SLC17A6: variants seen among roughly 807,000 people sequenced by gnomAD.
SLC17A6 encodes solute carrier family 17 member 6.
Under a neutral mutation model 67.1 loss-of-function variants are expected in SLC17A6, and 35 were observed. The observed-to-expected ratio is 0.52, with a 90% confidence interval of 0.40 to 0.69. SLC17A6 has a LOEUF of 0.69. SLC17A6 is among the 30% of genes least tolerant of loss of function. The pLI, the probability that SLC17A6 is intolerant of heterozygous loss-of-function variation, is 0.00. For synonymous variants in SLC17A6, 285 were observed against 252.3 expected, an observed-to-expected ratio of 1.13 and a Z score of -1.23; for missense variants, 588 against 723.9, an observed-to-expected ratio of 0.81 and a Z score of 2.15.
At chr11:22,375,141 G>C (rs958516473) in intron 9 of SLC17A6, among the ~76,000 whole-genome samples, 2 of 152,046 alleles carry the variant, frequency 1.3e-5, no homozygotes, top group African/African-American at 4.8e-5. Context: ...GGGAGGCCAA[G>C]GTGGGTGGAT....
chr11:22,344,066 G>T (rs768584584), intron 3 of SLC17A6, among the ~76,000 whole-genome samples: 1 of 152,148 alleles, frequency 6.6e-6, no homozygotes, highest in Non-Finnish European at 1.5e-5. Flanking sequence ...ATGGGGTGGA[G>T]GTGTCGAGGG....
intron 6 of SLC17A6, among the ~76,000 whole-genome samples, chr11:22,365,161 C>T (rs972961731): frequency 1.7e-4 from 26 of 152,108 alleles, no homozygotes; most frequent in African/African-American, 5.8e-4. Context: ...AAAGAATTTG[C>T]CCCCAGAATA....
In SLC17A6 at chr11:22,353,921, T is replaced by G. The variant is rs150663330; in HGVS notation, c.459-5492T>G. On this transcript the variant is annotated intron_variant, in intron 3 of 11. Transcript: ENST00000263160. ...ATTCCCAAAGCAGAACAAGAAATAC[T>G]AGAATAACCTGGGAACTGGTTAGAA... 5.6e-3 allele frequency among the ~76,000 whole-genome samples: 858 copies of G among 152,264 alleles called. 13 individuals carry two copies. The highest frequency in any genetic ancestry group is 0.02 in the African/African-American group (823 of 41,558).
intron 3 of SLC17A6, among the ~76,000 whole-genome samples, chr11:22,346,322 T>C (rs1855875239): frequency 6.6e-6 from 1 of 152,144 alleles, no homozygotes; most frequent in South Asian, 2.1e-4. Flanking sequence ...TTTGGCTTCT[T>C]CAGTTTATTG....
At position 22,378,535 on chromosome 11, in the gene SLC17A6, T is replaced by G. The variant is rs1856258155; in HGVS notation, c.*795T>G. 6.6e-6 allele frequency: 1 copy of G among 151,694 alleles called. No individual in the cohort carries two copies. Among genetic ancestry groups the G allele is most frequent in the Admixed American group, 6.6e-5 (1 of 15,138 alleles). 9.4% of individuals were successfully genotyped at this position (151,694 alleles called of 1,614,324 possible). On this transcript the variant is annotated 3_prime_UTR_variant, in exon 12 of 12. Transcript: ENST00000263160. The stretch of plus-strand genomic sequence containing the variant: ...CTTCAATGTATTTTTTATTACAACT[T>G]TGTACTGGTTGTAACTTGCATTAGA...
intron 8 of SLC17A6, 124 bp downstream of exon 8, chr11:22,370,312 T>A (rs1856161331): frequency 2.6e-6 from 2 of 766,178 alleles, no homozygotes; most frequent in Non-Finnish European, 4.1e-6. Context: ...ATTAAACAAA[T>A]AACTGCTAGG....
At chr11:22,353,430 A>G (rs1590383555) in intron 3 of SLC17A6, among the ~76,000 whole-genome samples, 1 of 152,252 alleles carries the variant, frequency 6.6e-6, no homozygotes, top group Non-Finnish European at 1.5e-5. Context: ...TACAAGGAAC[A>G]GACTGAGAAA....
At chr11:22,340,474 T>A (rs879802884) in intron 1 of SLC17A6, among the ~76,000 whole-genome samples, 1 of 152,152 alleles carries the variant, frequency 6.6e-6, no homozygotes, top group Non-Finnish European at 1.5e-5. Context: ...AAGCCAAAAA[T>A]GAATTGATGG....
At chr11:22,375,246 C>T (rs1856220077) in intron 9 of SLC17A6, among the ~76,000 whole-genome samples, 2 of 151,588 alleles carry the variant, frequency 1.3e-5, no homozygotes, top group African/African-American at 4.8e-5. Flanking sequence ...GTGGTGAGTG[C>T]CTGTAAGTCC....
chr11:22,377,571 A>G lies in SLC17A6; in HGVS notation c.1580A>G (p.Glu527Gly). Reference sequence around the variant, plus strand: ...ATTCATGAAGATGAACTCGATGAAGAAACAGGGGACATTACTCAAAATTAT... The same window carrying G: ...ATTCATGAAGATGAACTCGATGAAGGAACAGGGGACATTACTCAAAATTAT... ...GFIHEDELDE[E>G]TGDITQNYIN... is the part of the protein sequence containing the mutation. Residue 527 changes from glutamate to glycine, a missense_variant, in exon 12 of 12, where the codon GAA (glutamate) becomes GGA (glycine). Transcript: ENST00000263160. The G allele has an allele frequency of 1.2e-6, 2 of 1,614,180 alleles. No individual in the cohort carries two copies. Among genetic ancestry groups the G allele is most frequent in the Non-Finnish European group, 1.7e-6 (2 of 1,180,016 alleles).
chr11:22,362,871 G>C (rs1323482285), intron 6 of SLC17A6, 46 bp downstream of exon 6: 1 of 1,451,048 alleles, frequency 6.9e-7, no homozygotes, highest in Non-Finnish European at 9.7e-7. Flanking sequence ...ATGTGCATAG[G>C]CTAAAAGAAA....
In SLC17A6 at chr11:22,377,770, G is replaced by C. The variant is rs779751484; in HGVS notation, c.*30G>C. On this transcript the variant is annotated 3_prime_UTR_variant, in exon 12 of 12. Coordinates refer to ENST00000263160, the MANE Select transcript of SLC17A6 (RefSeq NM_020346.3). The stretch of plus-strand genomic sequence containing the variant: ...ACTAATTACTGGATTTATTTTTAGT[G>C]TTTGTGATTAAATTCATTGTGATTG... The C allele has an allele frequency of 6.7e-7, 1 of 1,495,066 alleles. No individual in the cohort carries two copies. The highest frequency in any genetic ancestry group is 9.0e-7 in the Non-Finnish European group (1 of 1,117,140). 92.6% of individuals were successfully genotyped at this position (1,495,066 alleles called of 1,614,324 possible).
At chr11:22,363,759 T>C (rs1407970842) in intron 6 of SLC17A6, among the ~76,000 whole-genome samples, 1 of 152,172 alleles carries the variant, frequency 6.6e-6, no homozygotes, top group African/African-American at 2.4e-5. Flanking sequence ...AAATTGCAAG[T>C]CATATAGGTA....
chr11:22,360,334 C>T (rs903794529), intron 4 of SLC17A6, among the ~76,000 whole-genome samples: 12 of 151,896 alleles, frequency 7.9e-5, no homozygotes, highest in African/African-American at 2.4e-4. Flanking sequence ...TGGGGAAGGG[C>T]AGTGTAGGGA....
chr11:22,363,680 T>A (rs1485690501), intron 6 of SLC17A6, among the ~76,000 whole-genome samples: 3 of 152,200 alleles, frequency 2.0e-5, no homozygotes, highest in East Asian at 1.9e-4. Context: ...TTATTAAATG[T>A]CACTTATCAT....
chr11:22,367,562 A>G (rs1247246395), intron 7 of SLC17A6, among the ~76,000 whole-genome samples: 1 of 152,132 alleles, frequency 6.6e-6, no homozygotes, highest in Non-Finnish European at 1.5e-5. Flanking sequence ...CACTAGCTGC[A>G]GTTATTTTGA....
chr11:22,362,393 A>G, intron 5 of SLC17A6: 1 of 345,614 alleles, frequency 2.9e-6, no homozygotes, highest in South Asian at 3.2e-5. Context: ...TCGCAAGAAT[A>G]GATTTTAGGT....
intron 2 of SLC17A6, 116 bp from the exon 3 acceptor site, chr11:22,343,131 C>T: frequency 2.4e-6 from 2 of 840,056 alleles, no homozygotes; most frequent in Non-Finnish European, 4.0e-6. Context: ...CTCTTATCCC[C>T]AGAATGCATG....
chr11:22,367,458 T>C (rs919326529), intron 7 of SLC17A6, among the ~76,000 whole-genome samples: 3 of 152,186 alleles, frequency 2.0e-5, no homozygotes, highest in African/African-American at 7.2e-5. Flanking sequence ...TTGTGTTTCC[T>C]TCTATAAATA....
Sources: gnomAD v4.1 joint callset for allele counts (sites outside exome capture counted in the v4.1 genomes callset) on GRCh38, gnomAD v4.1.1 for gene constraint, MANE v1.5 for transcripts, NCBI Gene and HGNC (gene_info 2026-07-23, HGNC 2026-07-21) for gene names.